Variants in NOVA2 observed in about 807,000 individuals in gnomAD.
The protein encoded by NOVA2 is RNA-binding protein Nova-2.
In NOVA2, 9 loss-of-function variants were observed where a neutral mutation model predicts 22.5. That is an observed-to-expected ratio of 0.40 (90% CI 0.24 to 0.70). NOVA2 has a LOEUF of 0.70. NOVA2 is among the 30% of genes least tolerant of loss of function. NOVA2 has a pLI of 0.38. For synonymous variants in NOVA2, 318 were observed against 335.2 expected (o/e 0.95, Z 0.56); for missense variants, 383 against 682.8 (o/e 0.56, Z 4.89).
intron 1 of NOVA2, among the ~76,000 whole-genome samples, chr19:45,972,061 C>G (rs1262079113): frequency 6.6e-6 from 1 of 152,048 alleles, no homozygotes; most frequent in Non-Finnish European, 1.5e-5. Flanking sequence ...ATCCCCATAT[C>G]TCTGGTGTCA....
chr19:45,959,422 C>CA (rs1968061335), intron 2 of NOVA2, among the ~76,000 whole-genome samples: 1 of 152,160 alleles, frequency 6.6e-6, no homozygotes, highest in East Asian at 1.9e-4. Context: ...CTGGGTTTCC[C>CA]AGCTGCCTGG....
At chr19:45,972,915 C>G (rs1160326526) in intron 1 of NOVA2, among the ~76,000 whole-genome samples, 1 of 152,030 alleles carries the variant, frequency 6.6e-6, no homozygotes, top group Non-Finnish European at 1.5e-5. Context: ...CCAGGACACG[C>G]GAGCTCGGGG....
intron 2 of NOVA2, among the ~76,000 whole-genome samples, chr19:45,959,167 G>C (rs1346286172): frequency 1.3e-5 from 2 of 152,140 alleles, no homozygotes; most frequent in Non-Finnish European, 2.9e-5. Context: ...GGAGGGAAGT[G>C]TTTTTTGTCT....
At chr19:45,953,706 GC>G in intron 3 of NOVA2, 73 bp downstream of exon 3, 12 of 1,533,246 alleles carry the variant, frequency 7.8e-6, no homozygotes, top group Non-Finnish European at 1.1e-5. Flanking sequence ...CTCACAGTAA[GC>G]AGTGATGTGG....
chr19:45,963,787 C>T (rs1268857516), intron 1 of NOVA2, among the ~76,000 whole-genome samples: 3 of 152,178 alleles, frequency 2.0e-5, no homozygotes, highest in Non-Finnish European at 4.4e-5. Context: ...TCCTCGGCCT[C>T]CCAAAGTGCT....
chr19:45,948,631 A>G (rs892514216), intron 3 of NOVA2, among the ~76,000 whole-genome samples: 2 of 151,744 alleles, frequency 1.3e-5, no homozygotes, highest in African/African-American at 4.8e-5. Flanking sequence ...AAAGAAAAGA[A>G]AAGAAAAAGA....
At chr19:45,957,396 G>A (rs934670090) in intron 2 of NOVA2, among the ~76,000 whole-genome samples, 2 of 152,076 alleles carry the variant, frequency 1.3e-5, no homozygotes, top group African/African-American at 2.4e-5. Context: ...AAAATTAGCT[G>A]GGCATGGTAA....
Position 45,940,662 on chromosome 19 carries a change from G to C in NOVA2, c.680C>G (p.Thr227Ser), listed in dbSNP as rs766225508. The C allele has an allele frequency of 1.9e-6, 3 of 1,581,362 alleles. No homozygotes were observed. Among genetic ancestry groups the C allele is most frequent in the Non-Finnish European group, 2.6e-6 (3 of 1,166,894 alleles). ...CGCGGGGCTGGCGTACGGAGAGCCG[G>C]TGGGGTTGGAGTTGGCCACGGGGCC... ...VAGPVANSNPTGSPYASPADV... is the reference protein window; with the variant it reads ...VAGPVANSNPSGSPYASPADV... The change falls in exon 4 of 4, where the codon ACC becomes AGC. Residue 227 changes from threonine to serine, a missense_variant. Physicochemically the swap from Thr to Ser is moderately conservative, Grantham distance 58 (BLOSUM62 1). Around this residue, in one of 2 missense-constraint regions of NOVA2, gnomAD observed 349 missense variants for 578.1 expected, o/e 0.60. Coordinates refer to ENST00000263257, the MANE Select transcript of NOVA2 (RefSeq NM_002516.4).
rs933243327 is a variant in NOVA2, at chr19:45,939,630, G to A, written c.*233C>T. 3 of 573,674 alleles carry A rather than the reference G, an allele frequency of 5.2e-6. No individual in the cohort carries two copies. Among genetic ancestry groups the A allele is most frequent in the South Asian group, 4.4e-5 (2 of 45,060 alleles). The allele number at this position is 573,674 out of a possible 1,614,324, so 35.5% of individuals were successfully genotyped here. On this transcript the variant is annotated 3_prime_UTR_variant, in exon 4 of 4. Transcript: ENST00000263257. ...TCAGGCCCAGCCAAGCACAGGGAGG[G>A]AGGAAGGAGGGGTCAGTTCCGGGCT...
In NOVA2 at chr19:45,936,986, T is replaced by G. The variant is rs1367296814; in HGVS notation, c.*2877A>C. On this transcript the variant is annotated 3_prime_UTR_variant, in exon 4 of 4. Transcript: ENST00000263257. The stretch of plus-strand genomic sequence containing the variant: ...CAAACTGCAGCACAAAAGATTGAGG[T>G]CAGATTGCAGAAGGGACTTTCAAGA... The G allele has an allele frequency of 2.0e-5, 3 of 151,912 alleles. No individual in the cohort carries two copies. Among genetic ancestry groups the G allele is most frequent in the Admixed American group, 6.6e-5 (1 of 15,254 alleles). The allele number at this position is 151,912 out of a possible 1,614,324, so 9.4% of individuals were successfully genotyped here. A position where few individuals can be genotyped will look rare whatever the true frequency, so the allele number is the denominator to read the frequency against.
rs1317195612 is a variant in NOVA2, at chr19:45,973,397, CGGCGGCGGCGGCGGCTGCTGT to C, written c.-67_-47del. On this transcript the variant is annotated 5_prime_UTR_variant, in exon 1 of 4. Transcript: ENST00000263257. ...GCTGCTGCTGCTGCGGCGGCTGCGG[CGGCGGCGGCGGCGGCTGCTGT>C]GGCGGCGGCGACGGCTGCTGGGGAG... 24 of 447,800 alleles carry C rather than the reference CGGCGGCGGCGGCGGCTGCTGT, an allele frequency of 5.4e-5. No individual in the cohort carries two copies. Among genetic ancestry groups the C allele is most frequent in the Admixed American group, 1.2e-4 (2 of 17,180 alleles). 27.7% of individuals were successfully genotyped at this position (447,800 alleles called of 1,614,324 possible).
intron 1 of NOVA2, among the ~76,000 whole-genome samples, chr19:45,964,077 T>C (rs11879062): frequency 0.086 from 13,025 of 152,158 alleles, 1,433 homozygotes; most frequent in African/African-American, 0.24. Flanking sequence ...AGGGAGGAGT[T>C]AGGCCATCCT....
intron 3 of NOVA2, among the ~76,000 whole-genome samples, chr19:45,948,183 C>T (rs1014041519): frequency 2.6e-5 from 4 of 152,026 alleles, no homozygotes; most frequent in Admixed American, 2.0e-4. Flanking sequence ...TCTGCTTGGC[C>T]CTGTGGGTGA....
At chr19:45,941,359 G>T (rs1230353760) in intron 3 of NOVA2, among the ~76,000 whole-genome samples, 1 of 151,334 alleles carries the variant, frequency 6.6e-6, no homozygotes, top group Non-Finnish European at 1.5e-5. Context: ...AGTAGAGATG[G>T]GGCCTTGCGA....
intron 1 of NOVA2, among the ~76,000 whole-genome samples, chr19:45,965,096 C>A (rs79194418): frequency 0.027 from 4,061 of 152,238 alleles, 204 homozygotes; most frequent in African/African-American, 0.093. Flanking sequence ...TGAATTCATT[C>A]TCTTCCATGG....
At chr19:45,955,173 G>T (rs1967986696) in intron 2 of NOVA2, among the ~76,000 whole-genome samples, 1 of 152,086 alleles carries the variant, frequency 6.6e-6, no homozygotes, top group Non-Finnish European at 1.5e-5. Flanking sequence ...CTTTGAGACT[G>T]GATGGCAGTG....
chr19:45,963,280 G>A (rs1968122824), intron 1 of NOVA2, among the ~76,000 whole-genome samples: 1 of 151,438 alleles, frequency 6.6e-6, no homozygotes, highest in African/African-American at 2.4e-5. Context: ...TCGGGAGGCT[G>A]AGGCAGGAGA....
chr19:45,946,021 A>AG (rs1465685474), intron 3 of NOVA2, among the ~76,000 whole-genome samples: 5 of 150,792 alleles, frequency 3.3e-5, no homozygotes, highest in Non-Finnish European at 5.9e-5. Context: ...AAAAAAAAAA[A>AG]AGGCCAGGCA....
chr19:45,939,741 C>T lies in NOVA2; in HGVS notation c.*122G>A. On this transcript the variant is annotated 3_prime_UTR_variant, in exon 4 of 4. Transcript: ENST00000263257. Reference sequence around the variant, plus strand: ...AAGGGGAGGGTGCAGTCGGGCCTACCCCAGCCCCATCCCAAGAGGAGCAGG... The same window carrying T: ...AAGGGGAGGGTGCAGTCGGGCCTACTCCAGCCCCATCCCAAGAGGAGCAGG... 1 of 1,323,024 alleles carries T rather than the reference C, an allele frequency of 7.6e-7. No homozygotes were observed. Among genetic ancestry groups the T allele is most frequent in the Non-Finnish European group, 1.0e-6 (1 of 957,744 alleles). The allele number at this position is 1,323,024 out of a possible 1,614,324, so 82.0% of individuals were successfully genotyped here.
Sources: allele counts gnomAD v4.1 joint callset (sites outside exome capture counted in the v4.1 genomes callset), GRCh38; gene constraint gnomAD v4.1.1; regional missense constraint gnomAD v4.1.1; transcripts MANE v1.5; gene names NCBI Gene and HGNC (gene_info 2026-07-23, HGNC 2026-07-21).